The following C3orf20 variants were observed in gnomAD, a reference collection of about 807,000 sequenced individuals.
C3orf20 encodes uncharacterized protein C3orf20.
In C3orf20, 76 loss-of-function variants were observed where a neutral mutation model predicts 88.3. The observed-to-expected ratio is 0.86, with a 90% CI of 0.72 to 1.04. C3orf20 has a LOEUF of 1.04. C3orf20 is among the 50% of genes least tolerant of loss of function. C3orf20 has a pLI of 0.00. For synonymous variants in C3orf20, 436 were observed against 437.4 expected (o/e 1.00, Z 0.04); for missense variants, 1,056 against 1,123.3 (o/e 0.94, Z 0.86).
chr3:14,708,149 A>G (rs1023947711), intron 7 of C3orf20, among the ~76,000 whole-genome samples: 1 of 151,966 alleles, frequency 6.6e-6, no homozygotes, highest in African/African-American at 2.4e-5. Context: ...AGAGGTTTAT[A>G]CTTATAGGTC....
At position 14,768,197 on chromosome 3, in the gene C3orf20, G is replaced by A. The variant is rs2035768244; in HGVS notation, c.2496-3870G>A. Among the ~76,000 whole-genome samples, 1 of 152,118 alleles carries A rather than the reference G, an allele frequency of 6.6e-6. No homozygotes were observed. The highest frequency in any genetic ancestry group is 6.5e-5 in the Admixed American group (1 of 15,280). On this transcript the variant is annotated intron_variant, in intron 15 of 16. Coordinates refer to ENST00000253697, the MANE Select transcript of C3orf20 (RefSeq NM_032137.5). The surrounding 1 kb of genome is among the most constrained non-coding windows in gnomAD (Gnocchi z 4.1). ...GGGAGTGGGGAGGGCACAGGGTGAGGAGACTGGGTCTCTAGTTGGATCAGC... is the reference window on the plus strand; with the variant it reads ...GGGAGTGGGGAGGGCACAGGGTGAGAAGACTGGGTCTCTAGTTGGATCAGC...
chr3:14,697,867 G>A (rs1261341863), intron 5 of C3orf20, among the ~76,000 whole-genome samples: 1 of 152,032 alleles, frequency 6.6e-6, no homozygotes, highest in East Asian at 1.9e-4. Context: ...CTTCATCCAT[G>A]TCCCTGCAAA....
intron 13 of C3orf20, among the ~76,000 whole-genome samples, chr3:14,758,183 A>G (rs1309714831): frequency 6.6e-6 from 1 of 152,182 alleles, no homozygotes; most frequent in Non-Finnish European, 1.5e-5. Context: ...AGGCCGTGAG[A>G]GGACAGCTCT....
intron 15 of C3orf20, among the ~76,000 whole-genome samples, chr3:14,769,741 G>T (rs2035810006): frequency 6.6e-6 from 1 of 152,152 alleles, no homozygotes; most frequent in Non-Finnish European, 1.5e-5. Context: ...CCAGCCCTCT[G>T]GTGGGGCGCG....
intron 5 of C3orf20, among the ~76,000 whole-genome samples, chr3:14,702,134 A>T (rs893804965): frequency 2.0e-5 from 3 of 152,202 alleles, no homozygotes; most frequent in Non-Finnish European, 4.4e-5. Flanking sequence ...TCAGTTCGAC[A>T]TAGCTGAGGA....
intron 6 of C3orf20, 25 bp from the exon 7 acceptor site, chr3:14,704,312 A>C (rs1411419769): frequency 6.2e-7 from 1 of 1,611,828 alleles, no homozygotes; most frequent in Non-Finnish European, 8.5e-7. Flanking sequence ...AAGGCTAGAC[A>C]ATATATTGCT....
At chr3:14,746,106 A>G (rs1261431120) in intron 12 of C3orf20, among the ~76,000 whole-genome samples, 1 of 152,224 alleles carries the variant, frequency 6.6e-6, no homozygotes, top group East Asian at 1.9e-4. Flanking sequence ...AAAAATATAG[A>G]GATGAATCTC....
At chr3:14,677,520 A>G (rs1411606064) in intron 1 of C3orf20, among the ~76,000 whole-genome samples, 1 of 151,478 alleles carries the variant, frequency 6.6e-6, no homozygotes, top group African/African-American at 2.4e-5. Context: ...GTTTTTTTAG[A>G]CGGGAGTTTC....
chr3:14,721,655 G>A lies in C3orf20; in HGVS notation c.1437G>A (p.Val479=), dbSNP rs373563531. 1.4e-5 allele frequency: 23 copies of A among 1,613,944 alleles called. No individual in the cohort carries two copies. Among genetic ancestry groups the A allele is most frequent in the Non-Finnish European group, 1.9e-5 (22 of 1,179,978 alleles). The change falls in exon 10 of 17, where the codon GTG becomes GTA. Residue 479 remains valine, a splice_region_variant and synonymous_variant. Transcript: ENST00000253697. The stretch of plus-strand genomic sequence containing the variant: ...GAGTACTGTTTCTTCATCTACAGGT[G>A]AATGAGGAAATGAAACTAAAGGTAC... ...TETLLSLEYK[V]NEEMKLKVLG...
At chr3:14,732,880 G>T (rs371516460) in intron 12 of C3orf20, among the ~76,000 whole-genome samples, 2 of 73,860 alleles carry the variant, frequency 2.7e-5, no homozygotes, top group Non-Finnish European at 6.7e-5. Flanking sequence ...TTTATATAAG[G>T]TATAGTGTAT....
At chr3:14,723,230 C>A (rs2034228124) in intron 10 of C3orf20, among the ~76,000 whole-genome samples, 1 of 152,208 alleles carries the variant, frequency 6.6e-6, no homozygotes, top group Admixed American at 6.5e-5. Context: ...CTTACAGACG[C>A]CCAAAGCTGG....
intron 1 of C3orf20, among the ~76,000 whole-genome samples, chr3:14,675,970 G>C (rs1190267348): frequency 6.6e-6 from 1 of 152,146 alleles, no homozygotes; most frequent in Non-Finnish European, 1.5e-5. Flanking sequence ...GGGATGACGG[G>C]TGTGAGCCAC....
chr3:14,715,395 T>C lies in C3orf20; in HGVS notation c.1420T>C (p.Ser474Pro). 6.2e-7 allele frequency: 1 copy of C among 1,611,768 alleles called. No individual in the cohort carries two copies. The highest frequency in any genetic ancestry group is 8.5e-7 in the Non-Finnish European group (1 of 1,179,508). ...GACTTCCAGGACAGAGACCCTGCTT[T>C]CCCTGGAATACAAGGTAGGGATGGG... Reference protein sequence around the residue: ...SWTSRTETLLSLEYKVNEEMK... With the variant: ...SWTSRTETLLPLEYKVNEEMK... The change falls in exon 9 of 17, where the codon TCC (serine) becomes CCC (proline). Residue 474 changes from serine (S) to proline (P), a missense_variant. Physicochemically the swap from Ser to Pro is moderately conservative, Grantham distance 74 (BLOSUM62 -1). Transcript: ENST00000253697.
intron 12 of C3orf20, among the ~76,000 whole-genome samples, chr3:14,741,893 C>A (rs1168100195): frequency 6.6e-6 from 1 of 152,240 alleles, no homozygotes; most frequent in Middle Eastern, 3.4e-3. Flanking sequence ...GAGGTAGTAA[C>A]TTTTGGGTCA....
intron 3 of C3orf20, 70 bp from the exon 4 acceptor site, chr3:14,684,172 A>G: frequency 6.3e-7 from 1 of 1,583,232 alleles, no homozygotes; most frequent in Non-Finnish European, 8.6e-7. Context: ...GGCCATTTAC[A>G]GAGGTCCTTT....
In C3orf20 at chr3:14,728,589, C is replaced by A; in HGVS notation, c.1841C>A (p.Ser614Tyr). The A allele has an allele frequency of 6.2e-7, 1 of 1,614,216 alleles. No individual in the cohort carries two copies. The highest frequency in any genetic ancestry group is 8.5e-7 in the Non-Finnish European group (1 of 1,180,034). ...LLRSQSGHLE[S>Y]SIAETLKDEP... ...CGATCTCAGTCAGGCCACCTGGAAT[C>A]CTCAATTGCAGAGACTTTGAAGGAT... The change falls in exon 12 of 17, where the codon TCC (serine) becomes TAC (tyrosine). Residue 614 changes from serine to tyrosine, a missense_variant. By Grantham distance (144) the Ser-to-Tyr change is moderately radical. Coordinates refer to ENST00000253697, the MANE Select transcript of C3orf20 (RefSeq NM_032137.5).
At position 14,696,413 on chromosome 3, in the gene C3orf20, A is replaced by C. The variant is rs1217296750; in HGVS notation, c.745+6297A>C. On this transcript the variant is annotated intron_variant, in intron 5 of 16. Transcript: ENST00000253697. ...TTATTATTATTATTATTATTTTGAG[A>C]CGGAGTCACGCTCTGTCACTCAGGC... Among the ~76,000 whole-genome samples the C allele has an allele frequency of 3.6e-5, 4 of 110,660 alleles. No homozygotes were observed. The Admixed American group carries it at 3.8e-4, about 11-fold the overall frequency. 72.6% of individuals were successfully genotyped at this position (110,660 alleles called of 152,430 possible).
intron 12 of C3orf20, among the ~76,000 whole-genome samples, chr3:14,738,717 C>T (rs1223792676): frequency 4.8e-5 from 6 of 125,716 alleles, no homozygotes; most frequent in Admixed American, 1.6e-4. Flanking sequence ...CTTGGCTCAC[C>T]GCAACCTCCG....
chr3:14,761,338 A>T, intron 14 of C3orf20, 135 bp from the exon 15 acceptor site: 1 of 1,040,578 alleles, frequency 9.6e-7, no homozygotes, highest in Non-Finnish European at 1.4e-6. Flanking sequence ...CAGCCACCCC[A>T]GGCCTGCCTC....
Sources: gnomAD v4.1 joint callset for allele counts (sites outside exome capture counted in the v4.1 genomes callset) on GRCh38, gnomAD v4.1.1 for gene constraint, Gnocchi (gnomAD v3.1) non-coding constraint, MANE v1.5 for transcripts, NCBI Gene and HGNC (gene_info 2026-07-23, HGNC 2026-07-21) for gene names.